Variants in RRAGD observed in about 807,000 individuals in gnomAD.
The protein encoded by RRAGD is ras-related GTP-binding protein D.
In RRAGD, 12 loss-of-function variants were observed where a neutral mutation model predicts 35.5. The observed-to-expected ratio is 0.34, with a 90% CI of 0.22 to 0.55. The LOEUF is 0.55. RRAGD is among the 20% of genes least tolerant of loss of function. The probability of loss-of-function intolerance (pLI) is 0.91; values close to 1 mark genes in which losing one functional copy is unlikely to be tolerated. For synonymous variants in RRAGD, 155 were observed against 178.9 expected, an observed-to-expected ratio of 0.87 and a Z score of 1.07; for missense variants, 324 against 490.1, an observed-to-expected ratio of 0.66 and a Z score of 3.20.
chr6:89,400,341 A>T (rs1769434476), intron 1 of RRAGD, among the ~76,000 whole-genome samples: 2 of 152,052 alleles, frequency 1.3e-5, no homozygotes, highest in Admixed American at 1.3e-4. Context: ...CCCTGGGTTT[A>T]TTTGCATGTA....
chr6:89,368,772 AG>A (rs1417364305), intron 6 of RRAGD, among the ~76,000 whole-genome samples: 1 of 152,246 alleles, frequency 6.6e-6, no homozygotes, highest in African/African-American at 2.4e-5. Context: ...AATGACACTC[AG>A]CTTTTCAGTA....
At chr6:89,402,094 C>T (rs747216166) in intron 1 of RRAGD, among the ~76,000 whole-genome samples, 125 of 125,918 alleles carry the variant, frequency 9.9e-4, no homozygotes, top group Non-Finnish European at 1.4e-3. Flanking sequence ...GTCACCCAGG[C>T]TAGAGTGTAG....
At chr6:89,378,631 G>A (rs771939519) in intron 4 of RRAGD, among the ~76,000 whole-genome samples, 10 of 152,176 alleles carry the variant, frequency 6.6e-5, no homozygotes, top group Admixed American at 5.9e-4. Context: ...AACAGTTTGC[G>A]TCTTATCAAT....
chr6:89,371,690 T>A (rs1053455715), intron 6 of RRAGD, among the ~76,000 whole-genome samples: 29 of 152,216 alleles, frequency 1.9e-4, no homozygotes, highest in African/African-American at 5.5e-4. Context: ...GATATGTAAC[T>A]ATTTGTTGGA....
intron 6 of RRAGD, among the ~76,000 whole-genome samples, chr6:89,371,153 TGAAG>T (rs995214501): frequency 2.0e-5 from 3 of 151,420 alleles, no homozygotes; most frequent in African/African-American, 7.3e-5. Context: ...AAAAAAGGAA[TGAAG>T]GAAGGGAGAA....
intron 4 of RRAGD, among the ~76,000 whole-genome samples, chr6:89,378,479 A>C (rs1298295741): frequency 6.6e-6 from 1 of 152,174 alleles, no homozygotes; most frequent in African/African-American, 2.4e-5. Context: ...ACACACTCAA[A>C]ATTGTGTAGT....
At chr6:89,369,025 A>G (rs911785056) in intron 6 of RRAGD, among the ~76,000 whole-genome samples, 5 of 120,984 alleles carry the variant, frequency 4.1e-5, no homozygotes, top group African/African-American at 1.0e-4. Context: ...AATTATTTCT[A>G]TCTATCAGTG....
chr6:89,384,671 C>T (rs140170945), intron 2 of RRAGD, among the ~76,000 whole-genome samples: 117 of 152,064 alleles, frequency 7.7e-4, no homozygotes, highest in East Asian at 3.1e-3. Context: ...AAAAATTAGC[C>T]GGGTGTGGTG....
chr6:89,370,796 T>C (rs2127883847), intron 6 of RRAGD, among the ~76,000 whole-genome samples: 2 of 152,298 alleles, frequency 1.3e-5, no homozygotes, highest in Admixed American at 1.3e-4. Flanking sequence ...GAATTCATCA[T>C]ACAATCTATC....
At chr6:89,402,879 C>T (rs796800034) in intron 1 of RRAGD, among the ~76,000 whole-genome samples, 15 of 152,334 alleles carry the variant, frequency 9.8e-5, no homozygotes, top group African/African-American at 3.6e-4. Flanking sequence ...AACCAACCCA[C>T]TCCAACCTCT....
intron 2 of RRAGD, among the ~76,000 whole-genome samples, chr6:89,384,472 G>T (rs1769104009): frequency 6.6e-6 from 1 of 152,100 alleles, no homozygotes; most frequent in South Asian, 2.1e-4. Flanking sequence ...GCCTCCCAAA[G>T]TGTTTGGATT....
intron 2 of RRAGD, 128 bp from the exon 3 acceptor site, chr6:89,380,495 G>C: frequency 1.4e-6 from 1 of 700,676 alleles, no homozygotes; most frequent in East Asian, 2.7e-5. Flanking sequence ...CCCTCAACAA[G>C]CTGGCTTCTT....
At chr6:89,406,262 G>C (rs1193433425) in intron 1 of RRAGD, among the ~76,000 whole-genome samples, 1 of 152,176 alleles carries the variant, frequency 6.6e-6, no homozygotes, top group Non-Finnish European at 1.5e-5. Flanking sequence ...GTGCCAGGCA[G>C]AGAGAAGGGC....
At position 89,367,167 on chromosome 6, in the gene RRAGD, C is replaced by CT. The variant is rs976764762; in HGVS notation, c.*888dup. 1.3e-5 allele frequency: 2 copies of CT among 152,178 alleles called. No individual in the cohort carries two copies. The highest frequency in any genetic ancestry group is 6.5e-5 in the Admixed American group (1 of 15,276). 9.4% of individuals were successfully genotyped at this position (152,178 alleles called of 1,614,324 possible). A position where few individuals can be genotyped will look rare whatever the true frequency, so the allele number is the denominator to read the frequency against. On this transcript the variant is annotated 3_prime_UTR_variant, in exon 7 of 7. Transcript: ENST00000369415. Reference sequence around the variant, plus strand: ...TTAGTCTGCAGTTGCCAATCACATACTTTTGGAACAACTTTAGGCCTCTGA... The same window carrying CT: ...TTAGTCTGCAGTTGCCAATCACATACTTTTTGGAACAACTTTAGGCCTCTGA...
chr6:89,386,378 A>T (rs914425921), intron 2 of RRAGD, among the ~76,000 whole-genome samples: 1 of 152,022 alleles, frequency 6.6e-6, no homozygotes, highest in Non-Finnish European at 1.5e-5. Context: ...GATGTAAAAA[A>T]CCCAGGGTGC....
At chr6:89,390,553 T>TG (rs1208972901) in intron 1 of RRAGD, among the ~76,000 whole-genome samples, 1 of 152,232 alleles carries the variant, frequency 6.6e-6, no homozygotes, top group Non-Finnish European at 1.5e-5. Context: ...AACCTTCATA[T>TG]GCCACTGGTG....
chr6:89,368,441 A>G (rs557304651), intron 6 of RRAGD, among the ~76,000 whole-genome samples: 1 of 152,370 alleles, frequency 6.6e-6, no homozygotes, highest in Admixed American at 6.5e-5. Context: ...GTTGCAGAGC[A>G]TAGACCATAT....
chr6:89,391,422 T>TA (rs1769231057), intron 1 of RRAGD, among the ~76,000 whole-genome samples: 1 of 150,326 alleles, frequency 6.7e-6, no homozygotes, highest in African/African-American at 2.4e-5. Flanking sequence ...TATTCAGCCA[T>TA]AAAAAAGGAA....
rs144976052 is a variant in RRAGD, at chr6:89,401,035, T to A, written c.148+10811A>T. On this transcript the variant is annotated intron_variant, in intron 1 of 6. Coordinates refer to ENST00000369415, the MANE Select transcript of RRAGD (RefSeq NM_021244.5). ...CAGCAATCAGAGGGGAATACAGACA[T>A]GACAAACTGGCAATTACCATGCACG... is the stretch of plus-strand genomic sequence containing the variant. Among the ~76,000 whole-genome samples, 6 of 152,174 alleles carry A rather than the reference T, an allele frequency of 3.9e-5. No individual in the cohort carries two copies. In the East Asian group the frequency reaches 1.2e-3, roughly 30 times the overall value.
Sources: allele counts gnomAD v4.1 joint callset (sites outside exome capture counted in the v4.1 genomes callset), GRCh38; gene constraint gnomAD v4.1.1; transcripts MANE v1.5; gene names NCBI Gene and HGNC (gene_info 2026-07-23, HGNC 2026-07-21).